Variants in NEURL1B observed in about 807,000 individuals in gnomAD.
NEURL1B encodes neuralized E3 ubiquitin protein ligase 1B, also known as E3 ubiquitin-protein ligase NEURL1B.
NEURL1B carries 13 observed loss-of-function variants against 37.4 expected under a neutral mutation model. That is an observed-to-expected ratio of 0.35 (90% CI 0.23 to 0.55). The LOEUF (loss-of-function observed/expected upper bound fraction) is 0.55. Among genes scored for constraint, NEURL1B ranks in the 20% least tolerant of loss-of-function variants. NEURL1B has a pLI of 0.89. For missense variants in NEURL1B, 790 were observed against 879.2 expected (o/e 0.90, Z 1.28); for synonymous variants, 432 against 426.6 (o/e 1.01, Z -0.16).
In NEURL1B at chr5:172,670,349, G is replaced by A. The variant is rs1328191176; in HGVS notation, c.577+19G>A. 2.2e-6 allele frequency: 3 copies of A among 1,344,490 alleles called. No homozygotes were observed. Among genetic ancestry groups the A allele is most frequent in the Non-Finnish European group, 2.9e-6 (3 of 1,051,364 alleles). The allele number at this position is 1,344,490 out of a possible 1,614,324, so 83.3% of individuals were successfully genotyped here. ...CTTCTGGGTAGGTCGCGGGCGCGGC[G>A]CCCCCTGGGGACCTGGCAGCGGTGC... is the stretch of plus-strand genomic sequence containing the variant. On this transcript the variant is annotated intron_variant, in intron 2 of 4. Coordinates refer to ENST00000369800, the MANE Select transcript of NEURL1B (RefSeq NM_001142651.3).
rs1758243810 is a variant in NEURL1B at position 172,676,969 on chromosome 5, C to T, written c.578-6450C>T. Among the ~76,000 whole-genome samples the T allele has an allele frequency of 1.3e-5, 2 of 152,166 alleles. No homozygotes were observed. The highest frequency in any genetic ancestry group is 4.2e-4 in the South Asian group (2 of 4,818). ...GCAGGGTTCGGAGGTCTGAGCGCAC[C>T]ATTCCAGGCTGCAGGAGAGGAAACT... On this transcript the variant is annotated intron_variant, in intron 2 of 4. Transcript: ENST00000369800. The surrounding 1 kb of genome is among the most constrained non-coding windows in gnomAD (Gnocchi z 4.5).
At chr5:172,666,709 A>C (rs1243092387) in intron 1 of NEURL1B, among the ~76,000 whole-genome samples, 2 of 152,170 alleles carry the variant, frequency 1.3e-5, no homozygotes, top group Non-Finnish European at 2.9e-5. Context: ...GAGGTGTAGA[A>C]AGGCAGAGGC....
intron 2 of NEURL1B, among the ~76,000 whole-genome samples, chr5:172,682,764 A>G (rs1224472775): frequency 1.3e-5 from 2 of 151,848 alleles, no homozygotes; most frequent in African/African-American, 4.8e-5. Flanking sequence ...AAGAGCCCAG[A>G]CTCTAGAGCC....
intron 1 of NEURL1B, among the ~76,000 whole-genome samples, chr5:172,644,087 T>G (rs1757517916): frequency 6.6e-6 from 1 of 152,132 alleles, no homozygotes; most frequent in African/African-American, 2.4e-5. Context: ...AGTTAGCAGT[T>G]TCTTGTCTGT....
intron 2 of NEURL1B, among the ~76,000 whole-genome samples, chr5:172,674,846 A>T (rs112298086): frequency 5.3e-5 from 8 of 152,130 alleles, no homozygotes; most frequent in Middle Eastern, 6.8e-3. Context: ...TCTTCTCCTG[A>T]CCAGGTAGGC....
rs1757820941 is a variant in NEURL1B at position 172,657,669 on chromosome 5, A to G, written c.32-12116A>G. On this transcript the variant is annotated intron_variant, in intron 1 of 4. Coordinates refer to ENST00000369800, the MANE Select transcript of NEURL1B (RefSeq NM_001142651.3). The surrounding 1 kb of genome is among the most constrained non-coding windows in gnomAD (Gnocchi z 4.0). ...CAAGTGGTAACGCCGGTGTCTGGGAAGGCACCTGTTACTTAGCCGACCACG... is the reference window on the plus strand; with the variant it reads ...CAAGTGGTAACGCCGGTGTCTGGGAGGGCACCTGTTACTTAGCCGACCACG... Among the ~76,000 whole-genome samples, 1 of 152,088 alleles carries G rather than the reference A, an allele frequency of 6.6e-6. No homozygotes were observed. Among genetic ancestry groups the G allele is most frequent in the African/African-American group, 2.4e-5 (1 of 41,416 alleles).
chr5:172,680,325 G>C (rs770154312), intron 2 of NEURL1B, among the ~76,000 whole-genome samples: 7 of 152,074 alleles, frequency 4.6e-5, no homozygotes, highest in Non-Finnish European at 8.8e-5. Flanking sequence ...TTGAATCTAA[G>C]TCCGCCTGTC....
intron 1 of NEURL1B, among the ~76,000 whole-genome samples, chr5:172,649,874 A>ATCC (rs1757628909): frequency 6.6e-6 from 1 of 152,140 alleles, no homozygotes; most frequent in South Asian, 2.1e-4. Flanking sequence ...TCCCAGGACC[A>ATCC]CAGACCCAGC....
intron 1 of NEURL1B, among the ~76,000 whole-genome samples, chr5:172,663,641 C>A (rs1204924888): frequency 1.3e-5 from 2 of 151,700 alleles, no homozygotes; most frequent in African/African-American, 4.8e-5. Flanking sequence ...AGAAACCGCA[C>A]CTCCCCCACT....
chr5:172,641,281 C>T lies in NEURL1B; in HGVS notation c.-126C>T. On this transcript the variant is annotated 5_prime_UTR_variant, in exon 1 of 5. Coordinates refer to ENST00000369800, the MANE Select transcript of NEURL1B (RefSeq NM_001142651.3). This position sits in a 1 kb window ranked among gnomAD's most constrained non-coding sequence, Gnocchi z 6.4. ...CCCGGCTCCCGCCCCAGCTGCCGCCCGCCGGCTCGCCCGTGCAGCTGCGAT... is the reference window on the plus strand; with the variant it reads ...CCCGGCTCCCGCCCCAGCTGCCGCCTGCCGGCTCGCCCGTGCAGCTGCGAT... 2 of 871,146 alleles carry T rather than the reference C, an allele frequency of 2.3e-6. No individual in the cohort carries two copies. Among genetic ancestry groups the T allele is most frequent in the Non-Finnish European group, 3.0e-6 (2 of 669,730 alleles). The allele number at this position is 871,146 out of a possible 1,614,324, so 54.0% of individuals were successfully genotyped here. A position where few individuals can be genotyped will look rare whatever the true frequency, so the allele number is the denominator to read the frequency against.
chr5:172,650,322 C>A (rs947035793), intron 1 of NEURL1B, among the ~76,000 whole-genome samples: 3 of 152,136 alleles, frequency 2.0e-5, no homozygotes, highest in Non-Finnish European at 2.9e-5. Context: ...AGTGGAATTT[C>A]CATGTCTCTG....
chr5:172,660,936 ATGT>A (rs1250339530), intron 1 of NEURL1B, among the ~76,000 whole-genome samples: 2 of 152,114 alleles, frequency 1.3e-5, no homozygotes, highest in Non-Finnish European at 2.9e-5. Flanking sequence ...CAGCCTGGTT[ATGT>A]TTTTTTCCAG....
Position 172,683,714 on chromosome 5 carries a change from C to A in NEURL1B, c.873C>A (p.Ser291Arg). ...ACGCAACACGCGGGCCCGACGTGAG[C>A]CTGTCGGCCGACCGCAAAGTGGCCT... ...RFHATRGPDV[S>R]LSADRKVACA... The change falls in exon 3 of 5, where the codon AGC (serine) becomes AGA (arginine). Residue 291 changes from serine (S) to arginine (R), a missense_variant. Transcript: ENST00000369800. This position sits in a 1 kb window ranked among gnomAD's most constrained non-coding sequence, Gnocchi z 5.6. 1 of 1,357,562 alleles carries A rather than the reference C, an allele frequency of 7.4e-7. No individual in the cohort carries two copies. Among genetic ancestry groups the A allele is most frequent in the Non-Finnish European group, 9.6e-7 (1 of 1,047,048 alleles). 84.1% of individuals were successfully genotyped at this position (1,357,562 alleles called of 1,614,324 possible).
At chr5:172,685,310 T>A (rs768576136) in intron 3 of NEURL1B, among the ~76,000 whole-genome samples, 2 of 152,178 alleles carry the variant, frequency 1.3e-5, no homozygotes, top group Non-Finnish European at 2.9e-5. Context: ...GGTTATTTGG[T>A]CAGAGTGTTT....
intron 1 of NEURL1B, among the ~76,000 whole-genome samples, chr5:172,645,968 A>T (rs1030567407): frequency 2.0e-5 from 3 of 152,262 alleles, no homozygotes; most frequent in Admixed American, 1.3e-4. Context: ...ATAGAATTTT[A>T]AAAATCTGGT....
In NEURL1B at chr5:172,675,811, G is replaced by T. The variant is rs1736735521; in HGVS notation, c.577+5481G>T. On this transcript the variant is annotated intron_variant, in intron 2 of 4. Transcript: ENST00000369800. This position sits in a 1 kb window ranked among gnomAD's most constrained non-coding sequence, Gnocchi z 4.7. ...AATCACTGTTGATGATTCTAGATTA[G>T]TGTTTTTTCATGTTTTGTGCCCAAA... is the stretch of plus-strand genomic sequence containing the variant. Among the ~76,000 whole-genome samples the T allele has an allele frequency of 6.6e-6, 1 of 152,224 alleles. No homozygotes were observed. Among genetic ancestry groups the T allele is most frequent in the South Asian group, 2.1e-4 (1 of 4,834 alleles).
chr5:172,674,642 G>C (rs555048272), intron 2 of NEURL1B, among the ~76,000 whole-genome samples: 1 of 152,192 alleles, frequency 6.6e-6, no homozygotes, highest in Admixed American at 6.5e-5. Context: ...GCCCCCAGCT[G>C]CTGCCAGGGT....
At chr5:172,650,488 C>T (rs983148653) in intron 1 of NEURL1B, among the ~76,000 whole-genome samples, 44 of 152,202 alleles carry the variant, frequency 2.9e-4, no homozygotes, top group Admixed American at 1.3e-3. Flanking sequence ...TGGGGTCTTT[C>T]GCTGGAATCT....
chr5:172,668,632 G>C (rs1758060004), intron 1 of NEURL1B, among the ~76,000 whole-genome samples: 1 of 152,196 alleles, frequency 6.6e-6, no homozygotes, highest in Admixed American at 6.5e-5. Flanking sequence ...TTCATTCCTG[G>C]GGTCGCCATT....
Sources: allele counts gnomAD v4.1 joint callset (sites outside exome capture counted in the v4.1 genomes callset), GRCh38; gene constraint gnomAD v4.1.1; non-coding constraint Gnocchi (gnomAD v3.1); transcripts MANE v1.5; gene names NCBI Gene and HGNC (gene_info 2026-07-23, HGNC 2026-07-21).